STK32B: variants seen among roughly 807,000 people sequenced by gnomAD.
STK32B encodes serine/threonine kinase 32B.
A neutral mutation model predicts 52.6 loss-of-function variants in STK32B; 43 were observed. That is an observed-to-expected ratio of 0.82 (90% CI 0.64 to 1.05). The LOEUF is 1.05. Among genes scored for constraint, STK32B ranks in the 50% least tolerant of loss-of-function variants. The pLI, the probability that STK32B is intolerant of heterozygous loss-of-function variation, is 0.00. For synonymous variants in STK32B, 238 were observed against 204.3 expected (o/e 1.17, Z -1.41); for missense variants, 621 against 534.6 (o/e 1.16, Z -1.59).
rs184863773 is a variant in STK32B at position 5,314,781 on chromosome 4, A to T, written c.261-16439A>T. On this transcript the variant is annotated intron_variant, in intron 3 of 11. Transcript: ENST00000282908. Reference sequence around the variant, plus strand: ...AGATAGAACCAGTCACATAGCCAACAAAGTAGCAAAACGGGCTGGGAAATT... The same window carrying T: ...AGATAGAACCAGTCACATAGCCAACTAAGTAGCAAAACGGGCTGGGAAATT... Among the ~76,000 whole-genome samples the T allele has an allele frequency of 2.0e-5, 3 of 152,330 alleles. No homozygotes were observed. In the East Asian group the frequency reaches 5.8e-4, roughly 29 times the overall value.
At chr4:5,246,864 AGCAGCGGTG>A (rs1484629823) in intron 3 of STK32B, among the ~76,000 whole-genome samples, 1 of 152,226 alleles carries the variant, frequency 6.6e-6, no homozygotes. Flanking sequence ...CCTGGGTATC[AGCAGCGGTG>A]GCTGCAGAAC....
intron 5 of STK32B, among the ~76,000 whole-genome samples, chr4:5,411,694 A>T (rs370403973): frequency 6.6e-6 from 1 of 152,118 alleles, no homozygotes; most frequent in African/African-American, 2.4e-5. Context: ...GCTGTAACTT[A>T]TTTGATTAAG....
chr4:5,237,361 G>C (rs1418900159), intron 3 of STK32B, among the ~76,000 whole-genome samples: 1 of 152,158 alleles, frequency 6.6e-6, no homozygotes, highest in African/African-American at 2.4e-5. Context: ...ATGCGAAAAT[G>C]CTCAGTGAAC....
rs139308912 is a variant in STK32B at position 5,169,048 on chromosome 4, C to T, written c.260+598C>T. Among the ~76,000 whole-genome samples the T allele has an allele frequency of 4.9e-3, 742 of 152,298 alleles. 6 individuals carry two copies. The highest frequency in any genetic ancestry group is 0.027 in the Middle Eastern group (8 of 294). ...GTGAAATATCTTCCTAAAACACTCACGTCCCCTTCTCCAGTGTCCCCTAAC... is the reference window on the plus strand; with the variant it reads ...GTGAAATATCTTCCTAAAACACTCATGTCCCCTTCTCCAGTGTCCCCTAAC... On this transcript the variant is annotated intron_variant, in intron 3 of 11. Transcript: ENST00000282908.
At chr4:5,220,810 A>G (rs1723481981) in intron 3 of STK32B, among the ~76,000 whole-genome samples, 1 of 152,190 alleles carries the variant, frequency 6.6e-6, no homozygotes, top group Non-Finnish European at 1.5e-5. Context: ...TCTCTGTTGC[A>G]GTAATCAACT....
chr4:5,261,281 A>G (rs565606388), intron 3 of STK32B, among the ~76,000 whole-genome samples: 2 of 152,306 alleles, frequency 1.3e-5, no homozygotes, highest in East Asian at 1.9e-4. Flanking sequence ...TCAAAATTCT[A>G]TGAACATGGA....
At chr4:5,313,245 A>G (rs1442237484) in intron 3 of STK32B, among the ~76,000 whole-genome samples, 3 of 152,038 alleles carry the variant, frequency 2.0e-5, no homozygotes, top group African/African-American at 7.2e-5. Flanking sequence ...TAAGGCAGTC[A>G]ATGTAATCTA....
intron 11 of STK32B, among the ~76,000 whole-genome samples, chr4:5,472,576 T>G (rs1056037747): frequency 6.6e-6 from 1 of 152,286 alleles, no homozygotes; most frequent in Middle Eastern, 3.4e-3. Flanking sequence ...GCAGGGCTGA[T>G]TTTTCCAAGA....
the STK32B span, among the ~76,000 whole-genome samples, chr4:5,040,993 C>T: frequency 5.3e-5 from 8 of 152,148 alleles, no homozygotes; most frequent in African/African-American, 1.4e-4. Context: ...GTTGGGTGTG[C>T]GGCCCATCCT....
chr4:5,493,739 C>G (rs1244259469), intron 11 of STK32B, among the ~76,000 whole-genome samples: 2 of 152,204 alleles, frequency 1.3e-5, no homozygotes, highest in African/African-American at 4.8e-5. Flanking sequence ...TCCCTCTACA[C>G]ACTGCTTTGA....
intron 3 of STK32B, among the ~76,000 whole-genome samples, chr4:5,276,825 C>T (rs557507524): frequency 9.7e-4 from 148 of 152,244 alleles, no homozygotes; most frequent in African/African-American, 3.3e-3. Context: ...TCCGCTTCTT[C>T]TCTGTCCAAA....
chr4:5,173,652 C>T (rs1431967732), intron 3 of STK32B, among the ~76,000 whole-genome samples: 4 of 152,172 alleles, frequency 2.6e-5, no homozygotes, highest in Non-Finnish European at 5.9e-5. Flanking sequence ...AGTTTGATTG[C>T]ACTGTGGTCT....
At chr4:5,149,363 G>GT (rs1717165438) in intron 2 of STK32B, among the ~76,000 whole-genome samples, 1 of 151,700 alleles carries the variant, frequency 6.6e-6, no homozygotes, top group Admixed American at 6.6e-5. Context: ...TTGGTCTATT[G>GT]TTGTTTTATT....
chr4:5,455,669 A>C (rs969428270), intron 7 of STK32B, among the ~76,000 whole-genome samples: 2 of 152,128 alleles, frequency 1.3e-5, no homozygotes, highest in African/African-American at 4.8e-5. Context: ...ACTCAGGGTC[A>C]GCGTTCGCTC....
At position 5,263,478 on chromosome 4, in the gene STK32B, A is replaced by C. The variant is rs112427521; in HGVS notation, c.261-67742A>C. On this transcript the variant is annotated intron_variant, in intron 3 of 11. Coordinates refer to ENST00000282908, the MANE Select transcript of STK32B (RefSeq NM_018401.3). ...GCACTGATGTCCATCTCTGTAGTGAAATGCAGAGGATGTTCTACTTATTAT... is the reference window on the plus strand; with the variant it reads ...GCACTGATGTCCATCTCTGTAGTGACATGCAGAGGATGTTCTACTTATTAT... 4.3e-3 allele frequency among the ~76,000 whole-genome samples: 659 copies of C among 152,220 alleles called. 8 individuals are homozygous for C. The highest frequency in any genetic ancestry group is 0.014 in the African/African-American group (578 of 41,546).
chr4:5,250,201 A>G (rs1725817020), intron 3 of STK32B, among the ~76,000 whole-genome samples: 1 of 152,060 alleles, frequency 6.6e-6, no homozygotes, highest in Non-Finnish European at 1.5e-5. Context: ...TATTGTGAAT[A>G]GTGCTGCAGT....
At position 5,498,969 on chromosome 4, in the gene STK32B, C is replaced by T. The variant is rs776183684; in HGVS notation, c.1131C>T (p.Gly377=). 6 of 1,613,478 alleles carry T rather than the reference C, an allele frequency of 3.7e-6. No individual in the cohort carries two copies. Among genetic ancestry groups the T allele is most frequent in the Non-Finnish European group, 5.1e-6 (6 of 1,179,636 alleles). ...REKLRRQQGQ[G]SQLLDTDSRG... Reference sequence around the variant, plus strand: ...GGCTCAGGAGGCAGCAGGGACAGGGCAGCCAGCTCTTGGACACCGACAGCC... The same window carrying T: ...GGCTCAGGAGGCAGCAGGGACAGGGTAGCCAGCTCTTGGACACCGACAGCC... The change falls in exon 12 of 12, where the codon GGC becomes GGT. Residue 377 remains glycine (G), a synonymous_variant. Transcript: ENST00000282908.
intron 3 of STK32B, among the ~76,000 whole-genome samples, chr4:5,330,106 C>T (rs1323671038): frequency 3.3e-5 from 5 of 152,198 alleles, no homozygotes; most frequent in African/African-American, 4.8e-5. Context: ...CTTACAATGA[C>T]TCACCAAGTC....
At chr4:5,086,655 C>T (rs767012694) in intron 1 of STK32B, among the ~76,000 whole-genome samples, 4 of 151,778 alleles carry the variant, frequency 2.6e-5, no homozygotes, top group African/African-American at 7.3e-5. Context: ...AGAACCACAC[C>T]GAGATTAATT....
Sources: gnomAD v4.1 joint callset for allele counts (sites outside exome capture counted in the v4.1 genomes callset) on GRCh38, gnomAD v4.1.1 for gene constraint, MANE v1.5 for transcripts, NCBI Gene and HGNC (gene_info 2026-07-23, HGNC 2026-07-21) for gene names.